The following MGAT5 variants were observed in gnomAD, a reference collection of about 807,000 sequenced individuals.
MGAT5 encodes the protein alpha-1,6-mannosylglycoprotein 6-beta-N-acetylglucosaminyltransferase A.
In MGAT5, 30 loss-of-function variants were observed where a neutral mutation model predicts 94.3. The observed-to-expected ratio is 0.32, with a 90% CI of 0.24 to 0.43. MGAT5 has a LOEUF of 0.43. MGAT5 is among the 20% of genes least tolerant of loss of function. The pLI, the probability that MGAT5 is intolerant of heterozygous loss-of-function variation, is 1.00. For synonymous variants in MGAT5, 310 were observed against 322.9 expected, an observed-to-expected ratio of 0.96 and a Z score of 0.43; for missense variants, 691 against 905.5, an observed-to-expected ratio of 0.76 and a Z score of 3.04.
intron 1 of MGAT5, among the ~76,000 whole-genome samples, chr2:134,240,823 C>G (rs1181288744): frequency 6.6e-6 from 1 of 152,200 alleles, no homozygotes; most frequent in African/African-American, 2.4e-5. Flanking sequence ...ACTAAAGATT[C>G]ATACACCTGC....
chr2:134,297,221 T>C (rs1051192089), intron 2 of MGAT5, among the ~76,000 whole-genome samples: 5 of 136,330 alleles, frequency 3.7e-5, no homozygotes, highest in Non-Finnish European at 6.4e-5. Flanking sequence ...AAAAAAATCA[T>C]CTGAATAGCT....
intron 1 of MGAT5, among the ~76,000 whole-genome samples, chr2:134,243,344 A>G (rs759128867): frequency 1.3e-5 from 2 of 152,168 alleles, no homozygotes; most frequent in African/African-American, 2.4e-5. Context: ...CTCTGAGGGC[A>G]AGAAACTCTC....
chr2:134,191,398 G>A (rs894404981), intron 1 of MGAT5, among the ~76,000 whole-genome samples: 8 of 152,148 alleles, frequency 5.3e-5, no homozygotes, highest in Non-Finnish European at 8.8e-5. Flanking sequence ...TATCGCGGGA[G>A]CGCGTGGGTT....
chr2:134,383,944 G>A (rs1681793608), intron 10 of MGAT5, among the ~76,000 whole-genome samples: 1 of 151,142 alleles, frequency 6.6e-6, no homozygotes, highest in African/African-American at 2.4e-5. Flanking sequence ...CTCCCAAAGT[G>A]CTGGGATTAC....
intron 1 of MGAT5, among the ~76,000 whole-genome samples, chr2:134,154,767 ACTCT>A (rs548604405): frequency 6.2e-4 from 94 of 151,968 alleles, no homozygotes; most frequent in African/African-American, 2.1e-3. Context: ...GTGCTGTCTG[ACTCT>A]CTCTAATGAG....
chr2:134,196,755 T>A (rs1029295890), intron 1 of MGAT5, among the ~76,000 whole-genome samples: 4 of 152,252 alleles, frequency 2.6e-5, no homozygotes, highest in Non-Finnish European at 4.4e-5. Flanking sequence ...GAATTTTTTT[T>A]TAGCTCATCA....
chr2:134,213,401 A>G (rs1014896069), intron 1 of MGAT5, among the ~76,000 whole-genome samples: 1 of 150,834 alleles, frequency 6.6e-6, no homozygotes, highest in Non-Finnish European at 1.5e-5. Flanking sequence ...CTGTTTCTCA[A>G]AATACTTGTG....
intron 8 of MGAT5, among the ~76,000 whole-genome samples, chr2:134,348,380 T>G (rs1429345853): frequency 6.6e-6 from 1 of 152,210 alleles, no homozygotes; most frequent in East Asian, 1.9e-4. Flanking sequence ...ATTCCTCCTG[T>G]AGTTAGCTTG....
At chr2:134,313,782 C>CT (rs1042632546) in intron 2 of MGAT5, among the ~76,000 whole-genome samples, 1 of 152,052 alleles carries the variant, frequency 6.6e-6, no homozygotes, top group African/African-American at 2.4e-5. Context: ...CATGAGTAAA[C>CT]TATGTGATGC....
chr2:134,331,917 G>T (rs934270304), intron 4 of MGAT5, among the ~76,000 whole-genome samples: 1 of 151,724 alleles, frequency 6.6e-6, no homozygotes, highest in Non-Finnish European at 1.5e-5. Flanking sequence ...AATAAGAGAG[G>T]ATACAAACAA....
intron 1 of MGAT5, among the ~76,000 whole-genome samples, chr2:134,264,691 A>G (rs900574181): frequency 6.6e-6 from 1 of 152,176 alleles, no homozygotes; most frequent in Non-Finnish European, 1.5e-5. Flanking sequence ...AAAAATATAT[A>G]ATTGATGAAA....
chr2:134,425,894 C>CTTTT (rs58839374), intron 13 of MGAT5, among the ~76,000 whole-genome samples: 59 of 144,490 alleles, frequency 4.1e-4, no homozygotes, highest in African/African-American at 4.8e-4. Context: ...AGTAACAGTC[C>CTTTT]TTTTTTTTTT....
Position 134,317,566 on chromosome 2 carries a change from TC to T in MGAT5, c.446del (p.Pro149LeufsTer15). 6.4e-7 allele frequency: 1 copy of T among 1,570,594 alleles called. No homozygotes were observed. Among genetic ancestry groups the T allele is most frequent in the Non-Finnish European group, 8.6e-7 (1 of 1,160,100 alleles). On this transcript the variant is annotated frameshift_variant, in exon 3 of 16. Transcript: ENST00000281923. LOFTEE classifies it high-confidence loss of function. ...GAGCTCAAGAAAAATGTGTATTGCCTCCTATGGACGGCTACCCTCACTGTGA... is the reference window on the plus strand; with the variant it reads ...GAGCTCAAGAAAAATGTGTATTGCCTCTATGGACGGCTACCCTCACTGTGA... ...NGAQEKCVLP[P>X]MDGYPHCEGK...
At chr2:134,416,017 G>A (rs1683937494) in intron 12 of MGAT5, among the ~76,000 whole-genome samples, 2 of 152,068 alleles carry the variant, frequency 1.3e-5, no homozygotes, top group South Asian at 2.1e-4. Flanking sequence ...AATCTCTAAA[G>A]TTCTACTTCT....
At chr2:134,318,513 A>G in intron 3 of MGAT5, 137 bp from the exon 4 acceptor site, 2 of 672,968 alleles carry the variant, frequency 3.0e-6, no homozygotes, top group South Asian at 1.8e-5. Context: ...ACCTCGGCTC[A>G]GTGACCCTGT....
chr2:134,232,575 C>CAA (rs1465878590), intron 1 of MGAT5, among the ~76,000 whole-genome samples: 1 of 152,126 alleles, frequency 6.6e-6, no homozygotes, highest in East Asian at 1.9e-4. Flanking sequence ...AAAAACAGTA[C>CAA]AAAGAGACCC....
chr2:134,435,524 G>GT (rs1025832855), intron 14 of MGAT5, among the ~76,000 whole-genome samples: 4 of 152,170 alleles, frequency 2.6e-5, no homozygotes, highest in East Asian at 1.9e-4. Flanking sequence ...CTTATCCATT[G>GT]TTTTTTTGTC....
At chr2:134,447,837 C>G (rs1460591823) in intron 15 of MGAT5, among the ~76,000 whole-genome samples, 1 of 152,242 alleles carries the variant, frequency 6.6e-6, no homozygotes, top group Non-Finnish European at 1.5e-5. Context: ...GACCACTCAG[C>G]TGTTGGGAGA....
chr2:134,418,360 C>T (rs1684093528), intron 12 of MGAT5, among the ~76,000 whole-genome samples: 1 of 152,242 alleles, frequency 6.6e-6, no homozygotes, highest in South Asian at 2.1e-4. Context: ...ATTCCACCAG[C>T]CCTTAAATGT....
Sources: allele counts gnomAD v4.1 joint callset (sites outside exome capture counted in the v4.1 genomes callset), GRCh38; gene constraint gnomAD v4.1.1; transcripts MANE v1.5; gene names NCBI Gene and HGNC (gene_info 2026-07-23, HGNC 2026-07-21).